Variants in PLCB1 observed in about 807,000 individuals in gnomAD.
PLCB1 encodes the protein phospholipase C beta 1, also known as 1-phosphatidylinositol 4,5-bisphosphate phosphodiesterase beta-1.
PLCB1 carries 46 observed loss-of-function variants against 161.8 expected under a neutral mutation model. The observed-to-expected ratio is 0.28, with a 90% CI of 0.22 to 0.36. The LOEUF (loss-of-function observed/expected upper bound fraction) is 0.36. Ranked by LOEUF, PLCB1 falls within the 10% of genes least tolerant of loss-of-function variation. The probability of loss-of-function intolerance (pLI) is 1.00; values close to 1 mark genes in which losing one functional copy is unlikely to be tolerated. For missense variants in PLCB1, 1,016 were observed against 1,472.5 expected, an observed-to-expected ratio of 0.69 and a Z score of 5.07; for synonymous variants, 517 against 503.7, an observed-to-expected ratio of 1.03 and a Z score of -0.35.
At chr20:8,711,246 A>G (rs1369708162) in intron 12 of PLCB1, among the ~76,000 whole-genome samples, 1 of 152,230 alleles carries the variant, frequency 6.6e-6, no homozygotes, top group Non-Finnish European at 1.5e-5. Context: ...GGAGCCTTCA[A>G]AACATCAAAT....
chr20:8,697,879 T>G, intron 11 of PLCB1, 96 bp downstream of exon 11: 1 of 1,115,940 alleles, frequency 9.0e-7, no homozygotes, highest in Non-Finnish European at 1.3e-6. Context: ...TGGTCACAAT[T>G]AAGTCCAAAG....
intron 17 of PLCB1, among the ~76,000 whole-genome samples, chr20:8,728,044 T>G (rs1980033711): frequency 6.6e-6 from 1 of 152,088 alleles, no homozygotes; most frequent in Admixed American, 6.6e-5. Context: ...AAAGTTAACC[T>G]TTAAAATTCA....
At chr20:8,186,235 A>G (rs892735624) in intron 2 of PLCB1, among the ~76,000 whole-genome samples, 1 of 152,182 alleles carries the variant, frequency 6.6e-6, no homozygotes, top group African/African-American at 2.4e-5. Context: ...GTTATGGAAT[A>G]TACTCAGGGA....
At chr20:8,236,610 A>G (rs773613538) in intron 2 of PLCB1, among the ~76,000 whole-genome samples, 1 of 152,098 alleles carries the variant, frequency 6.6e-6, no homozygotes, top group African/African-American at 2.4e-5. Context: ...AATGAGAGGC[A>G]GAAACTACAA....
chr20:8,684,894 G>C (rs749680102), intron 9 of PLCB1, 38 bp from the exon 10 acceptor site: 1 of 1,505,900 alleles, frequency 6.6e-7, no homozygotes. Flanking sequence ...ACCCATAAAA[G>C]AATGCATTCA....
intron 2 of PLCB1, among the ~76,000 whole-genome samples, chr20:8,321,041 G>A (rs1984897886): frequency 7.1e-6 from 1 of 139,912 alleles, no homozygotes; most frequent in African/African-American, 2.6e-5. Flanking sequence ...AGAGAGAGAG[G>A]AGAAAAAAGT....
At chr20:8,825,292 A>G (rs571997578) in intron 31 of PLCB1, among the ~76,000 whole-genome samples, 2 of 152,236 alleles carry the variant, frequency 1.3e-5, no homozygotes, top group Non-Finnish European at 2.9e-5. Flanking sequence ...GCATGGTGCC[A>G]GGAAAACCCA....
intron 3 of PLCB1, among the ~76,000 whole-genome samples, chr20:8,456,973 T>C (rs1425942016): frequency 6.6e-6 from 1 of 152,228 alleles, no homozygotes; most frequent in Non-Finnish European, 1.5e-5. Flanking sequence ...AACATATGAA[T>C]TTTGGATTGG....
chr20:8,530,244 G>C (rs2122913798), intron 3 of PLCB1, among the ~76,000 whole-genome samples: 1 of 152,150 alleles, frequency 6.6e-6, no homozygotes, highest in East Asian at 1.9e-4. Context: ...ATATGCTTTG[G>C]ATGTAGGTAT....
chr20:8,382,802 C>T (rs1987300719), intron 3 of PLCB1, among the ~76,000 whole-genome samples: 1 of 152,198 alleles, frequency 6.6e-6, no homozygotes, highest in South Asian at 2.1e-4. Context: ...CCACCTCGGC[C>T]TCCCAAAGTG....
chr20:8,536,173 T>C (rs1054222318), intron 3 of PLCB1, among the ~76,000 whole-genome samples: 2 of 152,266 alleles, frequency 1.3e-5, no homozygotes, highest in Middle Eastern at 3.4e-3. Context: ...GAGAAACATT[T>C]TTCTCTTCTC....
rs1277279511 is a variant in PLCB1, at chr20:8,774,653, G to A, written c.3045G>A (p.Gln1015=). ...LIDLKDKQQQ[Q]LLNLRQEQYY... ...ACTTGAAGGACAAACAACAGCAGCA[G>A]CTGCTTAATCTTCGGCAAGAACAGT... The change falls in exon 27 of 32, where the codon CAG becomes CAA. Residue 1015 remains glutamine, a synonymous_variant. Coordinates refer to ENST00000338037, the MANE Select transcript of PLCB1 (RefSeq NM_015192.4). The A allele has an allele frequency of 6.2e-7, 1 of 1,613,998 alleles. No individual in the cohort carries two copies. The highest frequency in any genetic ancestry group is 1.1e-5 in the South Asian group (1 of 91,050).
At chr20:8,792,664 T>C (rs911352752) in intron 31 of PLCB1, 1 of 470,554 alleles carries the variant, frequency 2.1e-6, no homozygotes, top group Non-Finnish European at 4.4e-6. Flanking sequence ...GATTTGAAGG[T>C]TGCCCATGAA....
chr20:8,746,506 C>A (rs965094914), intron 23 of PLCB1, among the ~76,000 whole-genome samples: 6 of 151,782 alleles, frequency 4.0e-5, no homozygotes, highest in African/African-American at 1.5e-4. Flanking sequence ...TATGTTGAGC[C>A]CTTTATTTTA....
In PLCB1 at chr20:8,237,910, T is replaced by C. The variant is rs187136358; in HGVS notation, c.177+87539T>C. Among the ~76,000 whole-genome samples, 40 of 152,204 alleles carry C rather than the reference T, an allele frequency of 2.6e-4. 1 individual carries two copies. The highest frequency in any genetic ancestry group is 2.2e-3 in the Admixed American group (33 of 15,266). ...ATCCTGCCAACTTCTTATAAAAAGA[T>C]TGTGTAATGTCTTGGGGAAAGATTT... On this transcript the variant is annotated intron_variant, in intron 2 of 31. Transcript: ENST00000338037.
At chr20:8,744,051 A>T (rs954942846) in intron 23 of PLCB1, among the ~76,000 whole-genome samples, 3 of 152,200 alleles carry the variant, frequency 2.0e-5, no homozygotes, top group African/African-American at 4.8e-5. Context: ...TAAATAGAAA[A>T]CAGGACCTAT....
In PLCB1 at chr20:8,168,685, G is replaced by T. The variant is rs151119104; in HGVS notation, c.177+18314G>T. On this transcript the variant is annotated intron_variant, in intron 2 of 31. Transcript: ENST00000338037. The stretch of plus-strand genomic sequence containing the variant: ...CCTTAAGTCATCTTTGAGGATACTA[G>T]TTTGTTGTGCTATTTTTTTTCTTCC... Among the ~76,000 whole-genome samples, 268 of 152,072 alleles carry T rather than the reference G, an allele frequency of 1.8e-3. 2 individuals are homozygous for T. The highest frequency in any genetic ancestry group is 4.4e-3 in the African/African-American group (182 of 41,480).
chr20:8,336,261 C>T (rs1214292336), intron 2 of PLCB1, among the ~76,000 whole-genome samples: 2 of 152,172 alleles, frequency 1.3e-5, no homozygotes, highest in Admixed American at 1.3e-4. Flanking sequence ...TCTGTGTAAA[C>T]CGAAACCTAC....
intron 9 of PLCB1, among the ~76,000 whole-genome samples, chr20:8,680,004 G>A (rs1990176517): frequency 6.6e-6 from 1 of 152,144 alleles, no homozygotes. Context: ...CATCCATATA[G>A]TTTACTCATC....
Sources: allele counts gnomAD v4.1 joint callset (sites outside exome capture counted in the v4.1 genomes callset), GRCh38; gene constraint gnomAD v4.1.1; transcripts MANE v1.5; gene names NCBI Gene and HGNC (gene_info 2026-07-23, HGNC 2026-07-21).